The following SLC25A21 variants were observed in gnomAD, a reference collection of about 807,000 sequenced individuals.
SLC25A21 encodes solute carrier family 25 member 21.
A neutral mutation model predicts 43.8 loss-of-function variants in SLC25A21; 47 were observed. The observed-to-expected ratio is 1.07, with a 90% confidence interval of 0.85 to 1.37. SLC25A21 has a LOEUF of 1.37. Ranked by LOEUF, SLC25A21 falls within the 40% of genes most tolerant of loss-of-function variation. The pLI is 0.00. For synonymous variants in SLC25A21, 131 were observed against 121.3 expected (o/e 1.08, Z -0.52); for missense variants, 352 against 350.2 (o/e 1.00, Z -0.04).
chr14:36,991,922 C>A (rs1960272152), intron 1 of SLC25A21, among the ~76,000 whole-genome samples: 2 of 152,174 alleles, frequency 1.3e-5, no homozygotes, highest in South Asian at 4.1e-4. Flanking sequence ...TTAAATGGCA[C>A]CTCTGTTTGT....
chr14:36,878,230 C>T (rs1890604818), intron 1 of SLC25A21, among the ~76,000 whole-genome samples: 1 of 152,118 alleles, frequency 6.6e-6, no homozygotes, highest in Non-Finnish European at 1.5e-5. Flanking sequence ...AAACTACCTG[C>T]AAAACTGTGA....
intron 2 of SLC25A21, among the ~76,000 whole-genome samples, chr14:36,821,104 CAT>C (rs1433651210): frequency 6.6e-6 from 1 of 152,172 alleles, no homozygotes; most frequent in Non-Finnish European, 1.5e-5. Flanking sequence ...CATGCAAAGA[CAT>C]GTCTGAGGTT....
Position 36,867,753 on chromosome 14 carries a change from C to T in SLC25A21, c.119+7203G>A, listed in dbSNP as rs539686557. ...AGACTCCATTTGTCTTTGTATTCCC[C>T]CCATTTTTGCTAAACCAGGATTAAA... On this transcript the variant is annotated intron_variant, in intron 2 of 9. Coordinates refer to ENST00000331299, the MANE Select transcript of SLC25A21 (RefSeq NM_030631.4). Among the ~76,000 whole-genome samples the T allele has an allele frequency of 2.6e-4, 39 of 152,108 alleles. No homozygotes were observed. The South Asian group carries it at 6.8e-3, about 27-fold the overall frequency.
chr14:36,767,532 C>T (rs1043406688), intron 3 of SLC25A21, among the ~76,000 whole-genome samples: 2 of 152,064 alleles, frequency 1.3e-5, no homozygotes, highest in Non-Finnish European at 2.9e-5. Context: ...GGAAAGTCAG[C>T]GTAAAAGTAG....
chr14:36,841,751 C>T (rs895408093), intron 2 of SLC25A21, among the ~76,000 whole-genome samples: 2 of 152,094 alleles, frequency 1.3e-5, no homozygotes, highest in South Asian at 2.1e-4. Context: ...AAACACGTGC[C>T]GTGGGCTCAA....
At chr14:36,781,471 T>C (rs1447901528) in intron 3 of SLC25A21, among the ~76,000 whole-genome samples, 1 of 152,204 alleles carries the variant, frequency 6.6e-6, no homozygotes, top group Non-Finnish European at 1.5e-5. Flanking sequence ...GATTTCTTTA[T>C]CTTTCTCTTT....
chr14:36,878,999 T>C (rs1167179544), intron 1 of SLC25A21, among the ~76,000 whole-genome samples: 1 of 152,136 alleles, frequency 6.6e-6, no homozygotes, highest in Non-Finnish European at 1.5e-5. Flanking sequence ...ATGAAAAAAA[T>C]ACATAAGAAC....
chr14:36,723,475 T>C (rs1268896926), intron 6 of SLC25A21, among the ~76,000 whole-genome samples: 4 of 152,220 alleles, frequency 2.6e-5, no homozygotes, highest in Non-Finnish European at 4.4e-5. Context: ...TACCTGATAA[T>C]GTCCAGTTCA....
chr14:36,714,267 T>A (rs1884022683), intron 6 of SLC25A21, among the ~76,000 whole-genome samples: 1 of 152,236 alleles, frequency 6.6e-6, no homozygotes. Flanking sequence ...AGCTTCTTTT[T>A]TTCTTCATTC....
chr14:36,894,970 A>T (rs1351579566), intron 1 of SLC25A21, among the ~76,000 whole-genome samples: 3 of 152,118 alleles, frequency 2.0e-5, no homozygotes, highest in Non-Finnish European at 4.4e-5. Context: ...TTTTGCATCG[A>T]TGTTCATCAG....
chr14:36,976,658 C>A (rs778825213), intron 1 of SLC25A21, among the ~76,000 whole-genome samples: 1 of 152,176 alleles, frequency 6.6e-6, no homozygotes, highest in African/African-American at 2.4e-5. Context: ...CTCACCCAAG[C>A]GGCAAGGCTG....
At chr14:36,910,337 A>G (rs1427323615) in intron 1 of SLC25A21, among the ~76,000 whole-genome samples, 1 of 152,140 alleles carries the variant, frequency 6.6e-6, no homozygotes, top group Non-Finnish European at 1.5e-5. Context: ...TGTCAAGGTG[A>G]GCAGTTTGGA....
intron 2 of SLC25A21, among the ~76,000 whole-genome samples, chr14:36,871,234 T>C (rs768591946): frequency 6.6e-6 from 1 of 151,834 alleles, no homozygotes; most frequent in Non-Finnish European, 1.5e-5. Context: ...TTAGTGCCCT[T>C]ATATGAGAGA....
intron 1 of SLC25A21, among the ~76,000 whole-genome samples, chr14:37,068,608 C>A (rs1304571549): frequency 6.6e-6 from 1 of 152,104 alleles, no homozygotes; most frequent in African/African-American, 2.4e-5. Flanking sequence ...TGATTTAAAT[C>A]TATTTTAGTC....
At chr14:36,864,091 T>C (rs1482187932) in intron 2 of SLC25A21, among the ~76,000 whole-genome samples, 1 of 152,202 alleles carries the variant, frequency 6.6e-6, no homozygotes, top group African/African-American at 2.4e-5. Context: ...CCCATACATC[T>C]AGAATGTAGA....
chr14:36,753,919 CAGAGAGAGAGAGAGAGAGAGAGAGAG>C (rs56871881), intron 3 of SLC25A21, among the ~76,000 whole-genome samples: 2 of 129,990 alleles, frequency 1.5e-5, no homozygotes, highest in African/African-American at 5.5e-5. Flanking sequence ...TCACTGGGGA[CAGAGAGAGAGAGAGAGAGAGAGAGAG>C]AGAGAGAGAG....
chr14:36,748,716 G>A (rs774287195), intron 3 of SLC25A21, among the ~76,000 whole-genome samples: 2 of 152,042 alleles, frequency 1.3e-5, no homozygotes, highest in Non-Finnish European at 2.9e-5. Flanking sequence ...TGATTTCATC[G>A]GGTCCTATGA....
chr14:36,847,175 C>T (rs1045737463), intron 2 of SLC25A21, among the ~76,000 whole-genome samples: 1 of 152,126 alleles, frequency 6.6e-6, no homozygotes, highest in Non-Finnish European at 1.5e-5. Flanking sequence ...TATCTGTCCC[C>T]AAGAGTTTTG....
chr14:36,928,575 T>A (rs1892196532), intron 1 of SLC25A21, among the ~76,000 whole-genome samples: 1 of 152,156 alleles, frequency 6.6e-6, no homozygotes, highest in African/African-American at 2.4e-5. Flanking sequence ...CACACTTAGG[T>A]CTGGGTTACA....
Sources: allele counts gnomAD v4.1 joint callset (sites outside exome capture counted in the v4.1 genomes callset), GRCh38; gene constraint gnomAD v4.1.1; transcripts MANE v1.5; gene names NCBI Gene and HGNC (gene_info 2026-07-23, HGNC 2026-07-21).